The following TRIP11 variants were observed in gnomAD, a reference collection of about 807,000 sequenced individuals.
TRIP11 encodes thyroid hormone receptor interactor 11.
A neutral mutation model predicts 223.1 loss-of-function variants in TRIP11; 148 were observed. That is an observed-to-expected ratio of 0.66 (90% CI 0.58 to 0.76). The LOEUF (loss-of-function observed/expected upper bound fraction) is 0.76. Among genes scored for constraint, TRIP11 ranks in the 30% least tolerant of loss-of-function variants. The probability of loss-of-function intolerance (pLI) is 0.00; values close to 1 mark genes in which losing one functional copy is unlikely to be tolerated. For synonymous variants in TRIP11, 762 were observed against 772.6 expected (o/e 0.99, Z 0.23); for missense variants, 2,043 against 2,222.0 (o/e 0.92, Z 1.62).
chr14:92,000,058 C>G lies in TRIP11; in HGVS notation c.4608G>C (p.Gln1536His). The G allele has an allele frequency of 6.2e-7, 1 of 1,613,974 alleles. No individual in the cohort carries two copies. The highest frequency in any genetic ancestry group is 8.5e-7 in the Non-Finnish European group (1 of 1,179,956). Residue 1536 changes from glutamine (Q) to histidine (H), a missense_variant, in exon 12 of 21, where the codon CAG becomes CAC. Gln to His is a conservative substitution (Grantham distance 24). Coordinates refer to ENST00000267622, the MANE Select transcript of TRIP11 (RefSeq NM_004239.4). The part of the protein sequence containing the change: ...NQLLNAVKSM[Q>H]EKTVVFQQER... ...CCTGTTGAAACACAACTGTCTTCTC[C>G]TGCATTGATTTAACTGCATTTAAAA...
At chr14:92,017,404 G>A (rs985118542) in intron 5 of TRIP11, among the ~76,000 whole-genome samples, 24 of 152,094 alleles carry the variant, frequency 1.6e-4, no homozygotes, top group African/African-American at 5.8e-4. Flanking sequence ...AAATTAGCCA[G>A]GCATGGTGGC....
intron 16 of TRIP11, among the ~76,000 whole-genome samples, chr14:91,981,951 A>C (rs970842387): frequency 4.2e-5 from 6 of 143,512 alleles, no homozygotes; most frequent in East Asian, 1.9e-4. Flanking sequence ...CGTCTCCACA[A>C]AAAAAAAAAA....
chr14:91,998,884 G>T (rs1001748901), intron 13 of TRIP11, among the ~76,000 whole-genome samples: 4 of 152,152 alleles, frequency 2.6e-5, no homozygotes, highest in Admixed American at 2.6e-4. Context: ...ATCATTTGAT[G>T]AAAAATACAA....
In TRIP11 at chr14:91,968,574, A is replaced by G. The variant is rs1566840129; in HGVS notation, c.*1099T>C. Reference sequence around the variant, plus strand: ...AGCTGTATGGTTTAATGCTTATATGAAAGTTGCATGAATTTGTGTAACATT... The same window carrying G: ...AGCTGTATGGTTTAATGCTTATATGGAAGTTGCATGAATTTGTGTAACATT... On this transcript the variant is annotated 3_prime_UTR_variant, in exon 21 of 21. Transcript: ENST00000267622. The G allele has an allele frequency of 4.6e-6, 1 of 218,288 alleles. No individual in the cohort carries two copies. Among genetic ancestry groups the G allele is most frequent in the Non-Finnish European group, 9.3e-6 (1 of 108,008 alleles). The allele number at this position is 218,288 out of a possible 1,614,324, so 13.5% of individuals were successfully genotyped here.
intron 15 of TRIP11, among the ~76,000 whole-genome samples, chr14:91,990,318 T>C (rs998467668): frequency 5.9e-5 from 9 of 152,246 alleles, no homozygotes. Flanking sequence ...AAAGCTTAAA[T>C]CTACGCTTAG....
intron 15 of TRIP11, among the ~76,000 whole-genome samples, chr14:91,990,598 C>T (rs1225459686): frequency 6.6e-6 from 1 of 152,184 alleles, no homozygotes; most frequent in Admixed American, 6.5e-5. Context: ...AAATGCAAGG[C>T]TGTAGTGCAC....
intron 8 of TRIP11, among the ~76,000 whole-genome samples, 199 bp downstream of exon 8, chr14:92,011,556 G>A (rs1207769735): frequency 6.7e-6 from 1 of 149,352 alleles, no homozygotes; most frequent in African/African-American, 2.5e-5. Context: ...AACCAGTCAT[G>A]CATTTTCGAC....
intron 20 of TRIP11, among the ~76,000 whole-genome samples, chr14:91,970,619 G>T (rs1408462997): frequency 6.6e-6 from 1 of 152,106 alleles, no homozygotes; most frequent in African/African-American, 2.4e-5. Flanking sequence ...TATGCTGCGG[G>T]GTTCTGGATC....
chr14:91,988,280 C>G lies in TRIP11; in HGVS notation c.5260+4G>C. ...GGGGGAAAAATGAAAAGAAAAAAACCTACTTTGTCTTTTAAGTTCTTCAAT... is the reference window on the plus strand; with the variant it reads ...GGGGGAAAAATGAAAAGAAAAAAACGTACTTTGTCTTTTAAGTTCTTCAAT... On this transcript the variant is annotated splice_donor_region_variant and intron_variant, in intron 16 of 20. Transcript: ENST00000267622. The G allele has an allele frequency of 6.2e-7, 1 of 1,604,390 alleles. No individual in the cohort carries two copies. The highest frequency in any genetic ancestry group is 8.5e-7 in the Non-Finnish European group (1 of 1,173,510).
chr14:92,015,970 C>T (rs965352116), intron 5 of TRIP11, 109 bp from the exon 6 acceptor site: 11 of 1,075,122 alleles, frequency 1.0e-5, no homozygotes, highest in Non-Finnish European at 1.4e-5. Context: ...ATTCTCAGAA[C>T]ATGTTAAGGC....
In TRIP11 at chr14:91,993,912, T is replaced by C. The variant is rs1421657991; in HGVS notation, c.5057A>G (p.Glu1686Gly). The change falls in exon 15 of 21, where the codon GAG becomes GGG. Residue 1686 changes from glutamate (E) to glycine (G), a missense_variant and splice_region_variant. Coordinates refer to ENST00000267622, the MANE Select transcript of TRIP11 (RefSeq NM_004239.4). ...LQMVLEHFQQ[E>G]EKAMYSAELE... ...TTCAGCAGAATACATAGCTTTTTCCTCTAAAGAGAAAAGAAAGTTAACATT... is the reference window on the plus strand; with the variant it reads ...TTCAGCAGAATACATAGCTTTTTCCCCTAAAGAGAAAAGAAAGTTAACATT... 2 of 1,609,760 alleles carry C rather than the reference T, an allele frequency of 1.2e-6. No individual in the cohort carries two copies. Among genetic ancestry groups the C allele is most frequent in the Non-Finnish European group, 1.7e-6 (2 of 1,177,054 alleles).
At position 92,039,532 on chromosome 14, in the gene TRIP11, C is replaced by G. The variant is rs759593090; in HGVS notation, c.139+15G>C. 8 of 1,613,176 alleles carry G rather than the reference C, an allele frequency of 5.0e-6. No homozygotes were observed. In the East Asian group the frequency reaches 1.8e-4, roughly 36 times the overall value. On this transcript the variant is annotated intron_variant, in intron 1 of 20. Coordinates refer to ENST00000267622, the MANE Select transcript of TRIP11 (RefSeq NM_004239.4). ...GTCTTAGAAAAGCCCTCCCTTCCCT[C>G]GCTCCAGCTGTTACCTTCCACTTCC...
chr14:91,985,523 T>C (rs902306341), intron 16 of TRIP11, among the ~76,000 whole-genome samples: 1 of 152,252 alleles, frequency 6.6e-6, no homozygotes, highest in Non-Finnish European at 1.5e-5. Flanking sequence ...ATCTCATCTC[T>C]GGTAGCAATG....
chr14:92,028,926 C>T lies in TRIP11; in HGVS notation c.202-3506G>A, dbSNP rs11629315. On this transcript the variant is annotated intron_variant, in intron 2 of 20. Transcript: ENST00000267622. ...TCTTTTTTAGGCAGTCCTAACTATT[C>T]GTAAAACTTGATATTTATGATTTTT... 7.4e-3 allele frequency among the ~76,000 whole-genome samples: 1,126 copies of T among 152,232 alleles called. 10 individuals are homozygous for T. Among genetic ancestry groups the T allele is most frequent in the Middle Eastern group, 0.017 (5 of 294 alleles).
intron 1 of TRIP11, among the ~76,000 whole-genome samples, chr14:92,036,502 A>G (rs1865008356): frequency 6.6e-6 from 1 of 152,220 alleles, no homozygotes; most frequent in Non-Finnish European, 1.5e-5. Context: ...ACAACTTGTA[A>G]TGCACAAAAG....
chr14:91,979,916 G>A (rs2056515525), intron 16 of TRIP11, among the ~76,000 whole-genome samples: 1 of 151,330 alleles, frequency 6.6e-6, no homozygotes, highest in Non-Finnish European at 1.5e-5. Context: ...TCAGAAATGA[G>A]TTTTAAGCCA....
At position 91,974,630 on chromosome 14, in the gene TRIP11, A is replaced by G. The variant is rs369316409; in HGVS notation, c.5571T>C (p.Asn1857=). 2.8e-5 allele frequency: 45 copies of G among 1,610,114 alleles called. No homozygotes were observed. The highest frequency in any genetic ancestry group is 3.6e-5 in the Non-Finnish European group (43 of 1,178,172). ...CAAGAATAAAATTGTTTCTTACACT[A>G]TTAACCACAGATTGCTGATTTGGTC... ...PLRPNQQSVV[N]SSFSELFVKF... The change falls in exon 19 of 21, where the codon AAT becomes AAC. Residue 1857 remains asparagine (N), a synonymous_variant. Coordinates refer to ENST00000267622, the MANE Select transcript of TRIP11 (RefSeq NM_004239.4).
intron 4 of TRIP11, among the ~76,000 whole-genome samples, chr14:92,019,962 T>C (rs566337900): frequency 1.3e-5 from 2 of 152,296 alleles, no homozygotes; most frequent in African/African-American, 4.8e-5. Flanking sequence ...TCATTATGTT[T>C]ATGAAAATAT....
chr14:91,970,940 T>A (rs1233087657), intron 20 of TRIP11, among the ~76,000 whole-genome samples: 1 of 152,178 alleles, frequency 6.6e-6, no homozygotes, highest in African/African-American at 2.4e-5. Context: ...CAAACCCATA[T>A]TACAATGATA....
Sources: allele counts gnomAD v4.1 joint callset (sites outside exome capture counted in the v4.1 genomes callset), GRCh38; gene constraint gnomAD v4.1.1; transcripts MANE v1.5; gene names NCBI Gene and HGNC (gene_info 2026-07-23, HGNC 2026-07-21).